DAB1: variants seen among roughly 807,000 people sequenced by gnomAD.
DAB1 encodes disabled homolog 1.
A neutral mutation model predicts 64.6 loss-of-function variants in DAB1; 15 were observed. That is an observed-to-expected ratio of 0.23 (90% CI 0.16 to 0.36). The LOEUF (loss-of-function observed/expected upper bound fraction) is 0.36. DAB1 is among the 10% of genes least tolerant of loss of function. The probability of loss-of-function intolerance (pLI) is 1.00; values close to 1 mark genes in which losing one functional copy is unlikely to be tolerated. For synonymous variants in DAB1, 235 were observed against 251.9 expected (o/e 0.93, Z 0.64); for missense variants, 596 against 706.7 (o/e 0.84, Z 1.78).
At chr1:57,725,485 G>A (rs941068564) in intron 6 of DAB1, among the ~76,000 whole-genome samples, 3 of 152,098 alleles carry the variant, frequency 2.0e-5, no homozygotes, top group East Asian at 1.9e-4. Flanking sequence ...ACTTATACTC[G>A]GCTAAGGTGG....
At chr1:57,841,969 AT>A (rs1653073042) in intron 1 of DAB1, among the ~76,000 whole-genome samples, 1 of 152,182 alleles carries the variant, frequency 6.6e-6, no homozygotes, top group Non-Finnish European at 1.5e-5. Flanking sequence ...CAGGCTAGAA[AT>A]TTTCCAAACC....
At chr1:58,405,711 G>T (rs1275525661) in intron 3 of DAB1, among the ~76,000 whole-genome samples, 2 of 152,190 alleles carry the variant, frequency 1.3e-5, no homozygotes, top group East Asian at 3.9e-4. Flanking sequence ...CCTGCTCATT[G>T]CTGAATCCCA....
intron 6 of DAB1, among the ~76,000 whole-genome samples, chr1:57,718,491 A>AT (rs1159238194): frequency 1.3e-5 from 2 of 151,912 alleles, no homozygotes; most frequent in African/African-American, 2.4e-5. Flanking sequence ...GTCCAGAAGA[A>AT]TTTTTTTTGA....
chr1:58,402,650 G>T (rs76518508), intron 3 of DAB1, among the ~76,000 whole-genome samples: 3 of 151,416 alleles, frequency 2.0e-5, no homozygotes, highest in Admixed American at 2.0e-4. Flanking sequence ...AAGGAGGAGG[G>T]GGGGAGAGAG....
intron 10 of DAB1, among the ~76,000 whole-genome samples, chr1:57,024,464 T>C (rs958186507): frequency 1.1e-4 from 17 of 152,284 alleles, no homozygotes; most frequent in African/African-American, 2.6e-4. Flanking sequence ...TCCTTTTTTT[T>C]CCCCTTGGAA....
At chr1:57,052,820 A>G (rs1473915599) in intron 9 of DAB1, among the ~76,000 whole-genome samples, 1 of 152,226 alleles carries the variant, frequency 6.6e-6, no homozygotes, top group Admixed American at 6.5e-5. Flanking sequence ...CAGAGAGCTC[A>G]CTACTCGATA....
At chr1:58,196,231 G>C (rs1657670086) in intron 4 of DAB1, among the ~76,000 whole-genome samples, 1 of 152,198 alleles carries the variant, frequency 6.6e-6, no homozygotes. Flanking sequence ...AGGTGAAAAG[G>C]CAGCCTTGTG....
intron 2 of DAB1, among the ~76,000 whole-genome samples, chr1:57,146,938 G>A (rs1169167752): frequency 1.3e-5 from 2 of 152,074 alleles, no homozygotes; most frequent in African/African-American, 4.8e-5. Context: ...CTACCTTACA[G>A]CATTAGCATG....
At chr1:58,535,010 A>C (rs1646494506) in intron 1 of DAB1, among the ~76,000 whole-genome samples, 1 of 152,178 alleles carries the variant, frequency 6.6e-6, no homozygotes, top group African/African-American at 2.4e-5. Flanking sequence ...AAGAAAATTA[A>C]ATTCACAATG....
In DAB1 at chr1:57,380,332, G is replaced by A. The variant is rs564571188; in HGVS notation, c.-137+43598C>T. Among the ~76,000 whole-genome samples the A allele has an allele frequency of 3.3e-5, 5 of 152,234 alleles. No homozygotes were observed. The South Asian group carries it at 8.3e-4, about 25-fold the overall frequency. On this transcript the variant is annotated intron_variant, in intron 1 of 14. Coordinates refer to ENST00000371236, the MANE Select transcript of DAB1 (RefSeq NM_001365792.1). ...CGTAAATAAAGCGTAGCCTAGAACAGGTTCTTATAAATAGTGGCTACCATT... is the reference window on the plus strand; with the variant it reads ...CGTAAATAAAGCGTAGCCTAGAACAAGTTCTTATAAATAGTGGCTACCATT...
intron 4 of DAB1, among the ~76,000 whole-genome samples, chr1:58,195,420 C>A (rs745825631): frequency 2.0e-5 from 3 of 151,908 alleles, no homozygotes; most frequent in Non-Finnish European, 4.4e-5. Context: ...GACAAAGTGA[C>A]ACAGAGAGGG....
intron 3 of DAB1, among the ~76,000 whole-genome samples, chr1:58,485,691 A>T (rs1645565148): frequency 6.6e-6 from 1 of 151,986 alleles, no homozygotes; most frequent in Non-Finnish European, 1.5e-5. Context: ...TATCTTATTA[A>T]ATATATCTTC....
At position 56,997,465 on chromosome 1, in the gene DAB1, A is replaced by C. The variant is rs1645671483; in HGVS notation, c.*679T>G. ...TTGTAATTTCAAGTTAATTCATTTC[A>C]CTGAGGCTTTTTTTCTCCCCAGTTA... On this transcript the variant is annotated 3_prime_UTR_variant, in exon 15 of 15. Transcript: ENST00000371236. 6.6e-6 allele frequency: 1 copy of C among 152,212 alleles called. No homozygotes were observed. The highest frequency in any genetic ancestry group is 1.5e-5 in the Non-Finnish European group (1 of 68,038). 9.4% of individuals were successfully genotyped at this position (152,212 alleles called of 1,614,324 possible).
chr1:57,613,563 A>C (rs577747955), intron 7 of DAB1, among the ~76,000 whole-genome samples: 3 of 152,340 alleles, frequency 2.0e-5, no homozygotes, highest in African/African-American at 7.2e-5. Context: ...CTGTGTCTGC[A>C]TGATAGATGG....
rs188977768 is a variant in DAB1, at chr1:57,675,099, A to T, written n.552-25434T>A. Among the ~76,000 whole-genome samples, 10 of 152,354 alleles carry T rather than the reference A, an allele frequency of 6.6e-5. No individual in the cohort carries two copies. In the East Asian group the frequency reaches 1.5e-3, roughly 24 times the overall value. On this transcript the variant is annotated intron_variant and non_coding_transcript_variant, in intron 6 of 20. Coordinates refer to the DAB1 transcript ENST00000485760. ...ACAATTTCTATGAAGCAGGAAGCCCAGAGATCCTGGATTCTCAAGTGACCA... is the reference window on the plus strand; with the variant it reads ...ACAATTTCTATGAAGCAGGAAGCCCTGAGATCCTGGATTCTCAAGTGACCA...
chr1:58,190,047 T>G (rs1052333550), intron 4 of DAB1, among the ~76,000 whole-genome samples: 1 of 152,194 alleles, frequency 6.6e-6, no homozygotes, highest in Non-Finnish European at 1.5e-5. Flanking sequence ...TTGCCTCGGC[T>G]TCTGCTTTCT....
At chr1:57,040,285 G>C (rs373194731) in intron 9 of DAB1, among the ~76,000 whole-genome samples, 4 of 152,050 alleles carry the variant, frequency 2.6e-5, no homozygotes, top group Non-Finnish European at 5.9e-5. Context: ...ATGGGATAGA[G>C]GGCAGTCATC....
intron 6 of DAB1, among the ~76,000 whole-genome samples, chr1:57,818,148 A>G (rs1651952819): frequency 6.6e-6 from 1 of 152,214 alleles, no homozygotes; most frequent in East Asian, 1.9e-4. Flanking sequence ...AGATAATACT[A>G]TAGAGTGTGA....
intron 5 of DAB1, among the ~76,000 whole-genome samples, chr1:57,903,847 ATTTATC>A (rs1001643135): frequency 9.2e-5 from 14 of 152,196 alleles, no homozygotes; most frequent in African/African-American, 3.4e-4. Context: ...GGGGAGGAGA[ATTTATC>A]TTTATGGTCT....
Sources: gnomAD v4.1 joint callset for allele counts (sites outside exome capture counted in the v4.1 genomes callset) on GRCh38, gnomAD v4.1.1 for gene constraint, MANE v1.5 for transcripts, NCBI Gene and HGNC (gene_info 2026-07-23, HGNC 2026-07-21) for gene names.